The following PRDX2 variants were observed in gnomAD, a reference collection of about 807,000 sequenced individuals.
The protein encoded by PRDX2 is peroxiredoxin-2.
Under a neutral mutation model 19.8 loss-of-function variants are expected in PRDX2, and 10 were observed. The observed-to-expected ratio is 0.50, with a 90% CI of 0.31 to 0.86. The LOEUF is 0.86. Ranked by LOEUF, PRDX2 falls within the 40% of genes least tolerant of loss-of-function variation. The pLI is 0.04. For synonymous variants in PRDX2, 118 were observed against 108.2 expected (o/e 1.09, Z -0.56); for missense variants, 226 against 260.1 (o/e 0.87, Z 0.90).
chr19:12,798,048 C>A (rs1191788821), intron 5 of PRDX2, among the ~76,000 whole-genome samples: 1 of 149,808 alleles, frequency 6.7e-6, no homozygotes, highest in South Asian at 2.1e-4. Flanking sequence ...TTCTTTTTTT[C>A]TTTTCTTTTT....
intron 5 of PRDX2, among the ~76,000 whole-genome samples, chr19:12,799,151 G>A (rs547531767): frequency 1.8e-4 from 28 of 151,434 alleles, no homozygotes; most frequent in South Asian, 1.3e-3. Flanking sequence ...TGCCCGCCTC[G>A]GCCTCCCAAA....
intron 1 of PRDX2, 40 bp from the exon 2 acceptor site, chr19:12,801,310 T>G (rs371671320): frequency 6.4e-7 from 1 of 1,565,848 alleles, no homozygotes; most frequent in African/African-American, 1.4e-5. Flanking sequence ...GGAAGACACT[T>G]TGTCCTCCCA....
rs1555733212 is a variant in PRDX2, at chr19:12,797,656, C to CTT, written c.512-492_512-491dup. Among the ~76,000 whole-genome samples the CTT allele has an allele frequency of 1.3e-3, 151 of 113,032 alleles. 3 individuals carry two copies. The highest frequency in any genetic ancestry group is 1.6e-3 in the African/African-American group (44 of 27,562). 74.2% of individuals were successfully genotyped at this position (113,032 alleles called of 152,430 possible). On this transcript the variant is annotated intron_variant, in intron 5 of 5. Transcript: ENST00000301522. ...TTCTTTTCTTCTTTTTTCTTTCTTT[C>CTT]TTTTTTTTTTTTTTTTTTTGAGACA...
intron 5 of PRDX2, 173 bp downstream of exon 5, chr19:12,799,686 G>T (rs1432938365): frequency 1.2e-6 from 1 of 849,732 alleles, no homozygotes; most frequent in Non-Finnish European, 1.7e-6. Flanking sequence ...TTGAATGTCA[G>T]GCGTTATTTG....
At chr19:12,799,750 T>C (rs1359694115) in intron 5 of PRDX2, 109 bp downstream of exon 5, 3 of 1,427,090 alleles carry the variant, frequency 2.1e-6, no homozygotes, top group African/African-American at 2.9e-5. Context: ...TGAATCTTCT[T>C]TGGGGCCCTA....
In PRDX2 at chr19:12,801,742, G is replaced by T. The variant is rs1295120537; in HGVS notation, c.-12C>A. The T allele has an allele frequency of 3.2e-6, 1 of 311,922 alleles. No homozygotes were observed. Among genetic ancestry groups the T allele is most frequent in the Non-Finnish European group, 5.9e-6 (1 of 169,394 alleles). 19.3% of individuals were successfully genotyped at this position (311,922 alleles called of 1,614,324 possible). On this transcript the variant is annotated splice_region_variant and 5_prime_UTR_variant, in exon 1 of 6. Transcript: ENST00000301522. ...AGGTGCACTCCGGGTGTTCATACCTGCGTGGGCAAAGGCTAGACGCACGGA... is the reference window on the plus strand; with the variant it reads ...AGGTGCACTCCGGGTGTTCATACCTTCGTGGGCAAAGGCTAGACGCACGGA...
At chr19:12,797,661 T>C (rs1328675662) in intron 5 of PRDX2, among the ~76,000 whole-genome samples, 11 of 146,116 alleles carry the variant, frequency 7.5e-5, no homozygotes, top group Middle Eastern at 3.2e-3. Context: ...TCTTTCTTTT[T>C]TTTTTTTTTT....
At chr19:12,798,652 CTTTTT>C (rs1014273912) in intron 5 of PRDX2, among the ~76,000 whole-genome samples, 1 of 95,164 alleles carries the variant, frequency 1.1e-5, no homozygotes, top group African/African-American at 4.4e-5. Context: ...CATCTGGCCT[CTTTTT>C]TTTTTTTTTT....
chr19:12,800,830 G>T, intron 3 of PRDX2, 86 bp downstream of exon 3: 1 of 1,553,120 alleles, frequency 6.4e-7, no homozygotes, highest in South Asian at 1.2e-5. Context: ...AGGTTCCAGA[G>T]GTTGAGCAAT....
At chr19:12,801,095 T>C in intron 2 of PRDX2, 26 bp from the exon 3 acceptor site, 1 of 1,612,704 alleles carries the variant, frequency 6.2e-7, no homozygotes, top group Non-Finnish European at 8.5e-7. Context: ...ACAGAGGAGT[T>C]AGGGCCCAGC....
intron 5 of PRDX2, among the ~76,000 whole-genome samples, chr19:12,798,863 G>A (rs10405267): frequency 0.07 from 10,649 of 151,834 alleles, 634 homozygotes; most frequent in African/African-American, 0.16. Context: ...GGCTCCTTTA[G>A]TCCCATCTTT....
At chr19:12,797,282 A>G in intron 5 of PRDX2, 116 bp from the exon 6 acceptor site, 1 of 780,734 alleles carries the variant, frequency 1.3e-6, no homozygotes, top group South Asian at 1.5e-5. Flanking sequence ...AGGCCCAGGA[A>G]TGTGGATATT....
At chr19:12,800,452 T>A in intron 3 of PRDX2, 153 bp from the exon 4 acceptor site, 1 of 1,022,378 alleles carries the variant, frequency 9.8e-7, no homozygotes, top group East Asian at 2.6e-5. Flanking sequence ...CTGGGTTGGG[T>A]GCAAGGACTG....
chr19:12,801,359 T>A, intron 1 of PRDX2, 89 bp from the exon 2 acceptor site: 1 of 1,356,390 alleles, frequency 7.4e-7, no homozygotes, highest in Non-Finnish European at 1.0e-6. Flanking sequence ...TATGACTGAG[T>A]CAGCACGGCG....
Position 12,797,174 on chromosome 19 carries a change from A to AAGAC in PRDX2, c.512-12_512-9dup, listed in dbSNP as rs371243131. ...TCCAGCCAGCGGGACAAACTGTGGG[A>AAGAC]AGACACAAGGATGCACATGAAGGCT... On this transcript the variant is annotated splice_polypyrimidine_tract_variant and intron_variant, in intron 5 of 5. Transcript: ENST00000301522. 6 of 1,613,426 alleles carry AAGAC rather than the reference A, an allele frequency of 3.7e-6. No homozygotes were observed. The African/African-American group carries it at 8.0e-5, about 22-fold the overall frequency.
Position 12,800,333 on chromosome 19 carries a change from G to A in PRDX2, c.258-34C>T, listed in dbSNP as rs754733038. 2.5e-6 allele frequency: 4 copies of A among 1,599,878 alleles called. No individual in the cohort carries two copies. In the East Asian group the frequency reaches 8.9e-5, roughly 36 times the overall value. ...AGGGGAGACAGAGTTGGGGCCTCAG[G>A]ATGCCTGGCACAGCAGGGTCCTCAC... On this transcript the variant is annotated intron_variant, in intron 3 of 5. Coordinates refer to ENST00000301522, the MANE Select transcript of PRDX2 (RefSeq NM_005809.6).
At chr19:12,801,304 G>A in intron 1 of PRDX2, 34 bp from the exon 2 acceptor site, 1 of 1,576,778 alleles carries the variant, frequency 6.3e-7, no homozygotes, top group South Asian at 1.1e-5. Flanking sequence ...CGCCCGGGAA[G>A]ACACTTTGTC....
chr19:12,799,832 C>G, intron 5 of PRDX2, 27 bp downstream of exon 5: 1 of 1,609,850 alleles, frequency 6.2e-7, no homozygotes, highest in Non-Finnish European at 8.5e-7. Context: ...CAGTATGTAC[C>G]CATGTGTCAT....
intron 5 of PRDX2, among the ~76,000 whole-genome samples, chr19:12,797,656 C>CTTTCTTTTTTTTTTTTT (rs1321932913): frequency 5.7e-4 from 64 of 113,056 alleles, no homozygotes; most frequent in Middle Eastern, 6.3e-3. Context: ...TTCTTTCTTT[C>CTTTCTTTTTTTTTTTTT]TTTTTTTTTT....
Sources: allele counts gnomAD v4.1 joint callset (sites outside exome capture counted in the v4.1 genomes callset), GRCh38; gene constraint gnomAD v4.1.1; transcripts MANE v1.5; gene names NCBI Gene and HGNC (gene_info 2026-07-23, HGNC 2026-07-21).